Variants in RPUSD4 observed in about 807,000 individuals in gnomAD.
RPUSD4 encodes pseudouridylate synthase RPUSD4, mitochondrial.
RPUSD4 carries 37 observed loss-of-function variants against 35.4 expected under a neutral mutation model. The observed-to-expected ratio is 1.04, with a 90% CI of 0.80 to 1.37. RPUSD4 has a LOEUF of 1.37. RPUSD4 is among the 40% of genes most tolerant of loss of function. The pLI, the probability that RPUSD4 is intolerant of heterozygous loss-of-function variation, is 0.00. For missense variants in RPUSD4, 507 were observed against 484.9 expected (o/e 1.05, Z -0.43); for synonymous variants, 210 against 192.7 (o/e 1.09, Z -0.74).
intron 3 of RPUSD4, 78 bp from the exon 4 acceptor site, chr11:126,205,859 A>C: frequency 1.6e-5 from 17 of 1,062,778 alleles, no homozygotes; most frequent in Non-Finnish European, 2.0e-5. Flanking sequence ...AGAGGATTTC[A>C]CGCTGGACCT....
At chr11:126,211,398 G>A (rs1949865266) in intron 1 of RPUSD4, 52 bp downstream of exon 1, 1 of 1,536,068 alleles carries the variant, frequency 6.5e-7, no homozygotes, top group African/African-American at 1.4e-5. Context: ...TCCCCGTCTG[G>A]GAAACCAATG....
At chr11:126,204,584 T>C (rs926851935) in intron 5 of RPUSD4, among the ~76,000 whole-genome samples, 3 of 152,232 alleles carry the variant, frequency 2.0e-5, no homozygotes, top group African/African-American at 7.2e-5. Context: ...ATAACCATTA[T>C]CATGAACTTG....
chr11:126,210,149 A>G (rs889194882), intron 2 of RPUSD4, among the ~76,000 whole-genome samples: 2 of 152,204 alleles, frequency 1.3e-5, no homozygotes, highest in African/African-American at 4.8e-5. Flanking sequence ...CCTTGGACAC[A>G]TTACTTCTCT....
At chr11:126,206,924 T>C (rs1043492913) in intron 3 of RPUSD4, among the ~76,000 whole-genome samples, 5 of 152,196 alleles carry the variant, frequency 3.3e-5, no homozygotes, top group African/African-American at 1.2e-4. Flanking sequence ...AACTCAAGAA[T>C]GTTCCATCAG....
At chr11:126,209,837 A>G in intron 2 of RPUSD4, 115 bp from the exon 3 acceptor site, 1 of 844,314 alleles carries the variant, frequency 1.2e-6, no homozygotes, top group Non-Finnish European at 1.9e-6. Context: ...GAGCCTTACT[A>G]CTGAAGTGTG....
At chr11:126,205,254 A>T (rs1013813385) in intron 5 of RPUSD4, among the ~76,000 whole-genome samples, 1 of 152,304 alleles carries the variant, frequency 6.6e-6, no homozygotes, top group East Asian at 1.9e-4. Flanking sequence ...GTTTTGAGGA[A>T]CCACTCTACA....
At chr11:126,206,567 G>GA (rs1949777051) in intron 3 of RPUSD4, 1 of 152,136 alleles carries the variant, frequency 6.6e-6, no homozygotes, top group African/African-American at 2.4e-5. Flanking sequence ...AAAAAAGAAA[G>GA]AAAGAAGTCA....
chr11:126,209,455 T>C (rs1285305204), intron 3 of RPUSD4, 66 bp downstream of exon 3: 3 of 1,383,010 alleles, frequency 2.2e-6, no homozygotes, highest in Non-Finnish European at 2.0e-6. Flanking sequence ...CTGTTTTTAA[T>C]GAATAAATAG....
chr11:126,205,700 C>G lies in RPUSD4; in HGVS notation c.639G>C (p.Gln213His), dbSNP rs1162458432. 6.2e-7 allele frequency: 1 copy of G among 1,613,362 alleles called. No individual in the cohort carries two copies. Among genetic ancestry groups the G allele is most frequent in the East Asian group, 2.2e-5 (1 of 44,884 alleles). ...GCTGCTCGCTCACCTTGTGGTGTTG[C>G]TGCTGGCCTTGCGCCTCCTTCTCCA... ...PIVEKEAQGQ[Q>H]QHHKMTLSPS... is the part of the protein sequence containing the mutation. The change falls in exon 4 of 7, where the codon CAG becomes CAC. Residue 213 changes from glutamine (Q) to histidine (H), a missense_variant. By Grantham distance (24) the Gln-to-His change is conservative. Transcript: ENST00000298317.
intron 5 of RPUSD4, among the ~76,000 whole-genome samples, chr11:126,205,228 A>G (rs1949758528): frequency 6.6e-6 from 1 of 152,214 alleles, no homozygotes; most frequent in African/African-American, 2.4e-5. Context: ...GGATCTTACA[A>G]TAATTCTGTT....
chr11:126,209,569 T>G lies in RPUSD4; in HGVS notation c.509A>C (p.His170Pro), dbSNP rs1362659422. ...MVLAWDKDMA[H>P]QVQELFRTRQ... is the part of the protein sequence containing the mutation. ...GGTTCTAAACAACTCTTGGACTTGATGTGCCATGTCCTTGTCCCAAGCCAA... is the reference window on the plus strand; with the variant it reads ...GGTTCTAAACAACTCTTGGACTTGAGGTGCCATGTCCTTGTCCCAAGCCAA... Residue 170 changes from histidine to proline, a missense_variant, in exon 3 of 7, where the codon CAT becomes CCT. His to Pro is a moderately conservative substitution (Grantham distance 77). Coordinates refer to ENST00000298317, the MANE Select transcript of RPUSD4 (RefSeq NM_032795.3). 1.2e-6 allele frequency: 2 copies of G among 1,614,144 alleles called. No homozygotes were observed. Among genetic ancestry groups the G allele is most frequent in the Non-Finnish European group, 1.7e-6 (2 of 1,180,060 alleles).
At chr11:126,208,412 C>G (rs886659387) in intron 3 of RPUSD4, among the ~76,000 whole-genome samples, 1 of 152,180 alleles carries the variant, frequency 6.6e-6, no homozygotes, top group African/African-American at 2.4e-5. Context: ...CACTAGCATA[C>G]AGTAATATGC....
chr11:126,208,935 T>C (rs1346930286), intron 3 of RPUSD4: 1 of 152,230 alleles, frequency 6.6e-6, no homozygotes, highest in Non-Finnish European at 1.5e-5. Flanking sequence ...CACATGATCT[T>C]TGTTGTTTGA....
chr11:126,203,250 A>T lies in RPUSD4; in HGVS notation c.*168T>A. 1.1e-6 allele frequency: 1 copy of T among 894,548 alleles called. No homozygotes were observed. Among genetic ancestry groups the T allele is most frequent in the Non-Finnish European group, 1.7e-6 (1 of 590,056 alleles). The allele number at this position is 894,548 out of a possible 1,614,324, so 55.4% of individuals were successfully genotyped here. On this transcript the variant is annotated 3_prime_UTR_variant, in exon 7 of 7. Transcript: ENST00000298317. ...TCCATTAAAAGCCCTGTAGCAGCTG[A>T]GTTGCTTTACCTTATCCCACCTGGC...
chr11:126,204,676 T>C (rs573167219), intron 5 of RPUSD4, among the ~76,000 whole-genome samples: 67 of 152,332 alleles, frequency 4.4e-4, no homozygotes, highest in African/African-American at 1.6e-3. Flanking sequence ...TGTAGTAACA[T>C]ATACATAAAA....
At chr11:126,203,959 C>A (rs1292980521) in intron 6 of RPUSD4, among the ~76,000 whole-genome samples, 4 of 152,164 alleles carry the variant, frequency 2.6e-5, no homozygotes, top group Admixed American at 2.6e-4. Context: ...AAGCTGCTCC[C>A]AGCCTTCAGA....
At chr11:126,210,807 GCAC>G (rs1949849065) in intron 2 of RPUSD4, 80 bp downstream of exon 2, 1 of 1,366,810 alleles carries the variant, frequency 7.3e-7, no homozygotes, top group Non-Finnish European at 1.0e-6. Context: ...GCTTTAGAGT[GCAC>G]CACAAGTAAC....
In RPUSD4 at chr11:126,209,846, T is replaced by TG; in HGVS notation, c.356-125dup. On this transcript the variant is annotated intron_variant, in intron 2 of 6. Transcript: ENST00000298317. ...TTTCTAGAGCCTTACTACTGAAGTG[T>TG]GGTCCAGAGACTAGCAACAATGGCA... is the stretch of plus-strand genomic sequence containing the variant. 3.8e-6 allele frequency: 3 copies of TG among 781,390 alleles called. No individual in the cohort carries two copies. In the South Asian group the frequency reaches 5.2e-5, roughly 13 times the overall value. The allele number at this position is 781,390 out of a possible 1,614,324, so 48.4% of individuals were successfully genotyped here.
intron 1 of RPUSD4, 127 bp downstream of exon 1, chr11:126,211,323 A>C: frequency 8.8e-7 from 1 of 1,135,672 alleles, no homozygotes; most frequent in South Asian, 1.5e-5. Flanking sequence ...CCTTCTCCCC[A>C]TTCTCCCACC....
Sources: gnomAD v4.1 joint callset for allele counts (sites outside exome capture counted in the v4.1 genomes callset) on GRCh38, gnomAD v4.1.1 for gene constraint, MANE v1.5 for transcripts, NCBI Gene and HGNC (gene_info 2026-07-23, HGNC 2026-07-21) for gene names.